Variants in DOCK5 observed in about 807,000 individuals in gnomAD.
The protein encoded by DOCK5 is dedicator of cytokinesis protein 5.
Under a neutral mutation model 251.8 loss-of-function variants are expected in DOCK5, and 142 were observed. The observed-to-expected ratio is 0.56, with a 90% confidence interval of 0.49 to 0.65. The LOEUF (loss-of-function observed/expected upper bound fraction) is 0.65, where lower values mean the gene tolerates loss of function less well. Ranked by LOEUF, DOCK5 falls within the 30% of genes least tolerant of loss-of-function variation. The pLI is 0.00. For synonymous variants in DOCK5, 842 were observed against 835.5 expected, an observed-to-expected ratio of 1.01 and a Z score of -0.13; for missense variants, 2,111 against 2,312.3, an observed-to-expected ratio of 0.91 and a Z score of 1.79.
At chr8:25,219,460 T>C (rs948010450) in intron 1 of DOCK5, among the ~76,000 whole-genome samples, 3 of 152,206 alleles carry the variant, frequency 2.0e-5, no homozygotes, top group African/African-American at 7.2e-5. Flanking sequence ...TTTTGGGACC[T>C]TCCTTTTCCT....
At chr8:25,328,229 A>T (rs1037656230) in intron 18 of DOCK5, among the ~76,000 whole-genome samples, 1 of 152,170 alleles carries the variant, frequency 6.6e-6, no homozygotes, top group Non-Finnish European at 1.5e-5. Flanking sequence ...CAAACTCATC[A>T]TAACACATAC....
chr8:25,383,951 A>AC (rs1352749604), intron 40 of DOCK5, among the ~76,000 whole-genome samples: 1 of 152,220 alleles, frequency 6.6e-6, no homozygotes, highest in Admixed American at 6.5e-5. Flanking sequence ...ATAGAAACTT[A>AC]CCCTTTTACA....
intron 4 of DOCK5, among the ~76,000 whole-genome samples, chr8:25,278,365 C>A (rs183519968): frequency 1.3e-5 from 2 of 152,158 alleles, no homozygotes; most frequent in African/African-American, 4.8e-5. Flanking sequence ...GTTGCAGGAA[C>A]GGAGCCCATT....
chr8:25,371,101 G>A lies in DOCK5; in HGVS notation c.3525-1458G>A, dbSNP rs1029531232. Among the ~76,000 whole-genome samples the A allele has an allele frequency of 1.1e-4, 16 of 152,236 alleles. No homozygotes were observed. In the South Asian group the frequency reaches 1.7e-3, roughly 16 times the overall value. On this transcript the variant is annotated intron_variant, in intron 34 of 51. Coordinates refer to ENST00000276440, the MANE Select transcript of DOCK5 (RefSeq NM_024940.8). ...CAGTCACTTAGTTGTTCACCTGTTC[G>A]CCTGTTGTGTGTGAGTTTTGTGGAT... is the stretch of plus-strand genomic sequence containing the variant.
intron 2 of DOCK5, among the ~76,000 whole-genome samples, chr8:25,264,354 A>T (rs1803673912): frequency 6.6e-6 from 1 of 151,594 alleles, no homozygotes; most frequent in Non-Finnish European, 1.5e-5. Context: ...TGGGTGACAG[A>T]GTGAGATCCT....
chr8:25,191,774 A>G (rs938630164), intron 1 of DOCK5, among the ~76,000 whole-genome samples: 3 of 151,208 alleles, frequency 2.0e-5, no homozygotes, highest in African/African-American at 7.3e-5. Flanking sequence ...AAAATTATAT[A>G]TATATATTTA....
In DOCK5 at chr8:25,191,325, T is replaced by A. The variant is rs1801577526; in HGVS notation, c.43+6374T>A. The stretch of plus-strand genomic sequence containing the variant: ...GCAGGGGCAGCTATAAAGACCCAGC[T>A]GCCTATAGTGAAGTCAGACATTAAA... On this transcript the variant is annotated intron_variant, in intron 1 of 51. Coordinates refer to ENST00000276440, the MANE Select transcript of DOCK5 (RefSeq NM_024940.8). Among the ~76,000 whole-genome samples the A allele has an allele frequency of 1.3e-5, 2 of 152,246 alleles. 1 individual carries two copies. Among genetic ancestry groups the A allele is most frequent in the Admixed American group, 1.3e-4 (2 of 15,274 alleles).
At chr8:25,199,902 G>C (rs1801839804) in intron 1 of DOCK5, among the ~76,000 whole-genome samples, 1 of 152,200 alleles carries the variant, frequency 6.6e-6, no homozygotes, top group Non-Finnish European at 1.5e-5. Flanking sequence ...AGTTGCCCTT[G>C]TTCTTTACCA....
At chr8:25,392,099 C>T (rs1458902896) in intron 43 of DOCK5, 119 bp downstream of exon 43, 7 of 915,910 alleles carry the variant, frequency 7.6e-6, no homozygotes, top group Middle Eastern at 3.4e-4. Context: ...GTCAAGAGAT[C>T]GAGACCATCC....
At chr8:25,306,713 A>T (rs1586314326) in intron 11 of DOCK5, among the ~76,000 whole-genome samples, 1 of 152,110 alleles carries the variant, frequency 6.6e-6, no homozygotes, top group East Asian at 1.9e-4. Flanking sequence ...TAAATAAATA[A>T]AATAAAATAA....
chr8:25,410,712 C>T (rs560961050), intron 51 of DOCK5, among the ~76,000 whole-genome samples: 1 of 150,712 alleles, frequency 6.6e-6, no homozygotes, highest in African/African-American at 2.4e-5. Context: ...TCCCCCCCAC[C>T]CACCTCAGCC....
At chr8:25,310,317 CT>C in intron 12 of DOCK5, 89 bp from the exon 13 acceptor site, 1 of 1,340,550 alleles carries the variant, frequency 7.5e-7, no homozygotes, top group Non-Finnish European at 1.0e-6. Context: ...AAGGTTGTGA[CT>C]ATACAACTCA....
intron 45 of DOCK5, among the ~76,000 whole-genome samples, chr8:25,396,181 A>G (rs990697090): frequency 2.2e-4 from 33 of 152,284 alleles, no homozygotes; most frequent in Admixed American, 2.0e-3. Context: ...GGAGCGCGAG[A>G]CCATCTTGGC....
intron 18 of DOCK5, among the ~76,000 whole-genome samples, chr8:25,329,910 G>C (rs893115042): frequency 4.6e-5 from 7 of 152,162 alleles, no homozygotes; most frequent in African/African-American, 1.4e-4. Flanking sequence ...GGCTCTTTCT[G>C]TAACCCCGTG....
chr8:25,237,091 A>G (rs77950865), intron 1 of DOCK5, among the ~76,000 whole-genome samples: 14,755 of 152,170 alleles, frequency 0.097, 1,978 homozygotes, highest in African/African-American at 0.3. Flanking sequence ...ACTTGGCCGG[A>G]CTGGATGTCC....
At chr8:25,324,348 A>G (rs1429168582) in intron 17 of DOCK5, among the ~76,000 whole-genome samples, 1 of 152,204 alleles carries the variant, frequency 6.6e-6, no homozygotes. Context: ...TCCCATCACC[A>G]TGAGCCACAT....
intron 2 of DOCK5, among the ~76,000 whole-genome samples, chr8:25,249,107 T>A (rs1390498135): frequency 6.6e-6 from 1 of 152,130 alleles, no homozygotes; most frequent in African/African-American, 2.4e-5. Flanking sequence ...CAACGGATGC[T>A]CCTGCTTCAG....
intron 18 of DOCK5, among the ~76,000 whole-genome samples, chr8:25,331,874 G>A (rs1163586689): frequency 2.7e-5 from 4 of 148,252 alleles, no homozygotes; most frequent in South Asian, 2.1e-4. Context: ...CTTTCCCTCT[G>A]AATCCACCCA....
intron 25 of DOCK5, among the ~76,000 whole-genome samples, chr8:25,344,306 A>G (rs1563209167): frequency 6.6e-6 from 1 of 152,232 alleles, no homozygotes; most frequent in Non-Finnish European, 1.5e-5. Context: ...GGGCCTTCCC[A>G]ATAAACTCAA....
Sources: allele counts gnomAD v4.1 joint callset (sites outside exome capture counted in the v4.1 genomes callset), GRCh38; gene constraint gnomAD v4.1.1; transcripts MANE v1.5; gene names NCBI Gene and HGNC (gene_info 2026-07-23, HGNC 2026-07-21).